Variants in AFF1 observed in about 807,000 individuals in gnomAD.
AFF1 encodes AF4/FMR2 family member 1.
Under a neutral mutation model 121.7 loss-of-function variants are expected in AFF1, and 48 were observed. That is an observed-to-expected ratio of 0.39 (90% CI 0.31 to 0.50). The LOEUF is 0.50. Among genes scored for constraint, AFF1 ranks in the 20% least tolerant of loss-of-function variants. The pLI, the probability that AFF1 is intolerant of heterozygous loss-of-function variation, is 0.76. For missense variants in AFF1, 1,523 were observed against 1,511.7 expected (o/e 1.01, Z -0.12); for synonymous variants, 613 against 563.0 (o/e 1.09, Z -1.26).
intron 2 of AFF1, among the ~76,000 whole-genome samples, chr4:87,040,204 TATA>T: frequency 1.3e-5 from 2 of 152,262 alleles, no homozygotes; most frequent in African/African-American, 4.8e-5. Context: ...CCACAGTTTT[TATA>T]ACTGAAAGAG....
intron 2 of AFF1, among the ~76,000 whole-genome samples, chr4:86,976,727 C>T (rs1723330705): frequency 6.6e-6 from 1 of 152,164 alleles, no homozygotes; most frequent in Non-Finnish European, 1.5e-5. Context: ...ACCTGTATAA[C>T]AAACTTGCAT....
chr4:87,085,751 CTT>C (rs200938461), intron 5 of AFF1, among the ~76,000 whole-genome samples: 13 of 139,032 alleles, frequency 9.4e-5, no homozygotes, highest in Non-Finnish European at 1.2e-4. Flanking sequence ...AGAAACATAC[CTT>C]TTTTTTTTTT....
Position 87,131,155 on chromosome 4 carries a change from G to A in AFF1, c.3037G>A (p.Glu1013Lys). Residue 1013 changes from glutamate to lysine, a missense_variant, in exon 17 of 21, where the codon GAG (glutamate) becomes AAG (lysine). Coordinates refer to ENST00000395146, the MANE Select transcript of AFF1 (RefSeq NM_001166693.3). Reference protein sequence around the residue: ...LSFIECGIATESESQSSKSAY... With the variant: ...LSFIECGIATKSESQSSKSAY... ...CTTCATTGAGTGCGGAATTGCCACA[G>A]AGTCTGAAAGCCAGTCATCCAAGTC... 1.9e-6 allele frequency: 3 copies of A among 1,614,206 alleles called. No individual in the cohort carries two copies. Among genetic ancestry groups the A allele is most frequent in the Non-Finnish European group, 2.5e-6 (3 of 1,180,034 alleles).
chr4:86,975,037 C>T (rs1460486351), intron 2 of AFF1, among the ~76,000 whole-genome samples: 1 of 152,166 alleles, frequency 6.6e-6, no homozygotes, highest in African/African-American at 2.4e-5. Context: ...CTAAAGAAAA[C>T]TATTGCAAGT....
chr4:87,028,309 T>C (rs1240688419), intron 2 of AFF1, among the ~76,000 whole-genome samples: 1 of 152,150 alleles, frequency 6.6e-6, no homozygotes, highest in African/African-American at 2.4e-5. Context: ...TTTTACGTTT[T>C]TTTTTCTTTT....
chr4:87,012,859 T>C (rs1473210972), intron 2 of AFF1, among the ~76,000 whole-genome samples: 10 of 152,146 alleles, frequency 6.6e-5, no homozygotes, highest in Non-Finnish European at 1.5e-4. Context: ...CCCTCCCCTG[T>C]GCAAACTTTT....
chr4:87,001,202 T>C (rs895009148), intron 2 of AFF1, among the ~76,000 whole-genome samples: 1 of 135,744 alleles, frequency 7.4e-6, no homozygotes, highest in African/African-American at 2.7e-5. Flanking sequence ...GCTTTCCTTT[T>C]TCTACTTTTT....
chr4:87,097,465 G>A (rs1724988287), intron 8 of AFF1, among the ~76,000 whole-genome samples: 1 of 152,206 alleles, frequency 6.6e-6, no homozygotes, highest in Non-Finnish European at 1.5e-5. Flanking sequence ...TTTCTTGATA[G>A]CAGTGTTAAA....
intron 2 of AFF1, among the ~76,000 whole-genome samples, chr4:86,964,840 CT>C (rs1722423926): frequency 6.6e-6 from 1 of 152,224 alleles, no homozygotes; most frequent in African/African-American, 2.4e-5. Flanking sequence ...TAGACACAGA[CT>C]AATAAAACAT....
intron 2 of AFF1, among the ~76,000 whole-genome samples, chr4:86,988,522 C>T (rs1411753785): frequency 6.6e-6 from 1 of 152,112 alleles, no homozygotes; most frequent in Non-Finnish European, 1.5e-5. Context: ...TTAAAAACCA[C>T]TGCTCAAGGA....
chr4:87,074,481 A>G (rs1722458168), intron 4 of AFF1, among the ~76,000 whole-genome samples: 1 of 152,240 alleles, frequency 6.6e-6, no homozygotes, highest in Non-Finnish European at 1.5e-5. Context: ...GTAATGGTTC[A>G]TAGTCAATAG....
intron 2 of AFF1, among the ~76,000 whole-genome samples, chr4:86,969,950 C>T (rs1333031058): frequency 3.5e-5 from 5 of 144,538 alleles, no homozygotes; most frequent in Non-Finnish European, 7.6e-5. Context: ...ATACAAATTA[C>T]AGAACAGAAT....
chr4:86,950,626 TCTC>T (rs1197139800), intron 2 of AFF1, among the ~76,000 whole-genome samples: 1 of 152,210 alleles, frequency 6.6e-6, no homozygotes, highest in Admixed American at 6.5e-5. Flanking sequence ...TCCCAAATGT[TCTC>T]CTACTTCTCC....
intron 12 of AFF1, among the ~76,000 whole-genome samples, chr4:87,124,487 A>G (rs1270884409): frequency 6.6e-6 from 1 of 152,226 alleles, no homozygotes; most frequent in Non-Finnish European, 1.5e-5. Flanking sequence ...TCCTTTCTGT[A>G]AAATACACGG....
At chr4:86,985,861 GA>G (rs555621618) in intron 2 of AFF1, among the ~76,000 whole-genome samples, 10 of 149,952 alleles carry the variant, frequency 6.7e-5, no homozygotes, top group Admixed American at 2.7e-4. Context: ...GTTATTTACA[GA>G]AAAAAAAACT....
At chr4:87,102,736 G>C (rs1725547057) in intron 8 of AFF1, among the ~76,000 whole-genome samples, 1 of 152,176 alleles carries the variant, frequency 6.6e-6, no homozygotes, top group Non-Finnish European at 1.5e-5. Context: ...TGAGAAAGAA[G>C]AAGCATATCC....
At chr4:87,022,555 T>TACAC (rs1728032257) in intron 2 of AFF1, among the ~76,000 whole-genome samples, 3 of 51,384 alleles carry the variant, frequency 5.8e-5, no homozygotes, top group African/African-American at 2.2e-4. Flanking sequence ...TATATATATA[T>TACAC]ATATATATAT....
intron 20 of AFF1, among the ~76,000 whole-genome samples, chr4:87,135,138 A>G (rs982242799): frequency 2.0e-5 from 3 of 152,222 alleles, no homozygotes; most frequent in Admixed American, 1.3e-4. Flanking sequence ...CGAGAGATAC[A>G]GCGTAGTAAA....
intron 1 of AFF1, among the ~76,000 whole-genome samples, chr4:86,937,412 A>G (rs559297771): frequency 6.6e-6 from 1 of 152,200 alleles, no homozygotes; most frequent in Non-Finnish European, 1.5e-5. Context: ...ACTATATCAA[A>G]ACTAGCTGTC....
Sources: gnomAD v4.1 joint callset for allele counts (sites outside exome capture counted in the v4.1 genomes callset) on GRCh38, gnomAD v4.1.1 for gene constraint, MANE v1.5 for transcripts, NCBI Gene and HGNC (gene_info 2026-07-23, HGNC 2026-07-21) for gene names.